MON2: variants seen among roughly 807,000 people sequenced by gnomAD.
MON2 encodes the protein protein MON2 homolog.
A neutral mutation model predicts 208.6 loss-of-function variants in MON2; 84 were observed. That is an observed-to-expected ratio of 0.40 (90% CI 0.34 to 0.48). MON2 has a LOEUF of 0.48. Ranked by LOEUF, MON2 falls within the 20% of genes least tolerant of loss-of-function variation. The pLI, the probability that MON2 is intolerant of heterozygous loss-of-function variation, is 0.59. For missense variants in MON2, 1,611 were observed against 2,015.4 expected (o/e 0.80, Z 3.84); for synonymous variants, 660 against 694.0 (o/e 0.95, Z 0.77).
chr12:62,556,166 C>G lies in MON2; in HGVS notation c.3383C>G (p.Thr1128Ser). ...TLAGVARIFN[T>S]RRYLLQPLGD... ...GCTGGAGTAGCAAGGATCTTCAACA[C>G]TAGAAGATATTTGCTGCAGCCTTTA... Residue 1128 changes from threonine (T) to serine (S), a missense_variant, in exon 25 of 35, where the codon ACT becomes AGT. Thr to Ser is a moderately conservative substitution (Grantham distance 58). Coordinates refer to ENST00000393630, the MANE Select transcript of MON2 (RefSeq NM_015026.3). 1.2e-6 allele frequency: 2 copies of G among 1,613,750 alleles called. No individual in the cohort carries two copies. The highest frequency in any genetic ancestry group is 1.6e-4 in the Middle Eastern group (1 of 6,062).
chr12:62,567,927 C>T (rs1401944393), intron 29 of MON2, among the ~76,000 whole-genome samples: 1 of 152,160 alleles, frequency 6.6e-6, no homozygotes, highest in Non-Finnish European at 1.5e-5. Flanking sequence ...TGTTTCTCGT[C>T]TTTAAAAGAA....
rs543226537 is a variant in MON2 at position 62,467,219 on chromosome 12, C to T, written c.12C>T (p.Thr4=). 8 of 1,612,830 alleles carry T rather than the reference C, an allele frequency of 5.0e-6. No individual in the cohort carries two copies. The South Asian group carries it at 8.8e-5, about 18-fold the overall frequency. Reference sequence around the variant, plus strand: ...GACCTTGGAGGATCATGTCCGGCACCAGCAGCCCCGAGGCGGTGAAGAAGC... The same window carrying T: ...GACCTTGGAGGATCATGTCCGGCACTAGCAGCCCCGAGGCGGTGAAGAAGC... MSG[T]SSPEAVKKLL... The change falls in exon 1 of 35, where the codon ACC becomes ACT. Residue 4 remains threonine, a synonymous_variant. Coordinates refer to ENST00000393630, the MANE Select transcript of MON2 (RefSeq NM_015026.3).
At chr12:62,583,168 C>CA in intron 32 of MON2, among the ~76,000 whole-genome samples, 1 of 152,034 alleles carries the variant, frequency 6.6e-6, no homozygotes, top group East Asian at 1.9e-4. Context: ...CCCATCTCTA[C>CA]AAAAAATACA....
rs1485049074 is a variant in MON2 at position 62,598,656 on chromosome 12, T to C, written c.*5907T>C. ...TATCTAATTTTGTGAAATTATTTTT[T>C]AGTTCCCAACACAATTCTTGAAAGT... On this transcript the variant is annotated 3_prime_UTR_variant, in exon 35 of 35. Transcript: ENST00000393630. The C allele has an allele frequency of 6.6e-6, 1 of 152,214 alleles. No individual in the cohort carries two copies. The highest frequency in any genetic ancestry group is 1.5e-5 in the Non-Finnish European group (1 of 68,022). The allele number at this position is 152,214 out of a possible 1,614,324, so 9.4% of individuals were successfully genotyped here.
intron 31 of MON2, 126 bp downstream of exon 31, chr12:62,578,631 C>A: frequency 8.3e-6 from 5 of 602,910 alleles, no homozygotes; most frequent in Non-Finnish European, 1.4e-5. Context: ...AGCATTAAAA[C>A]TCTTACAGGT....
intron 29 of MON2, among the ~76,000 whole-genome samples, chr12:62,567,886 A>G (rs1454429024): frequency 6.6e-6 from 1 of 152,206 alleles, no homozygotes; most frequent in Non-Finnish European, 1.5e-5. Context: ...TTACTGCTTT[A>G]TGACTTTTGG....
At chr12:62,590,379 A>T (rs1313504319) in intron 34 of MON2, among the ~76,000 whole-genome samples, 3 of 152,060 alleles carry the variant, frequency 2.0e-5, no homozygotes, top group Non-Finnish European at 4.4e-5. Context: ...AGGCATGAAC[A>T]ACCGCCCCCC....
chr12:62,560,656 A>G lies in MON2; in HGVS notation c.3575A>G (p.Asn1192Ser), dbSNP rs758202955. 4.3e-6 allele frequency: 7 copies of G among 1,614,044 alleles called. No homozygotes were observed. In the South Asian group the frequency reaches 7.7e-5, roughly 18 times the overall value. Reference protein sequence around the residue: ...SDKPETPPVVNVPVPVLIGPI... With the variant: ...SDKPETPPVVSVPVPVLIGPI... ...AAGCCTGAGACACCACCTGTAGTTA[A>G]TGTACCTGTGCCTGTTCTTATAGGG... is the stretch of plus-strand genomic sequence containing the variant. Residue 1192 changes from asparagine (N) to serine (S), a missense_variant, in exon 26 of 35, where the codon AAT (asparagine) becomes AGT (serine). Physicochemically the swap from Asn to Ser is conservative, Grantham distance 46 (BLOSUM62 1). Transcript: ENST00000393630.
intron 2 of MON2, among the ~76,000 whole-genome samples, chr12:62,487,344 TTACA>T (rs1190001164): frequency 2.0e-5 from 3 of 152,122 alleles, no homozygotes; most frequent in African/African-American, 7.2e-5. Flanking sequence ...TATACAAGAA[TTACA>T]TAATCTGCTT....
chr12:62,571,315 C>T (rs986590577), intron 29 of MON2, 77 bp from the exon 30 acceptor site: 2 of 1,071,886 alleles, frequency 1.9e-6, no homozygotes, highest in Admixed American at 5.5e-5. Context: ...TATTTTTTCT[C>T]TGCTGTAGTT....
At chr12:62,467,636 T>C (rs554538589) in intron 1 of MON2, among the ~76,000 whole-genome samples, 32 of 152,288 alleles carry the variant, frequency 2.1e-4, no homozygotes, top group Non-Finnish European at 3.4e-4. Flanking sequence ...CAAACCAAAA[T>C]TGAAAAACTT....
intron 19 of MON2, among the ~76,000 whole-genome samples, chr12:62,540,122 A>T (rs2073168308): frequency 6.6e-6 from 1 of 152,176 alleles, no homozygotes; most frequent in South Asian, 2.1e-4. Context: ...ACCTTAATGA[A>T]ATCTAAGCAA....
At chr12:62,536,034 A>C (rs2072951365) in intron 14 of MON2, among the ~76,000 whole-genome samples, 1 of 152,218 alleles carries the variant, frequency 6.6e-6, no homozygotes, top group Non-Finnish European at 1.5e-5. Context: ...ATATTATGCA[A>C]ATAAATGCAT....
At chr12:62,557,950 ATATATATATATATTTTTTTTTTT>A (rs1313991609) in intron 25 of MON2, among the ~76,000 whole-genome samples, 8 of 26,176 alleles carry the variant, frequency 3.1e-4, no homozygotes, top group African/African-American at 1.7e-3. Flanking sequence ...ATATATATAT[ATATATATATATATTTTTTTTTTT>A]TTTTTTTTTT....
At chr12:62,581,389 C>A (rs1052334362) in intron 32 of MON2, among the ~76,000 whole-genome samples, 1 of 151,878 alleles carries the variant, frequency 6.6e-6, no homozygotes, top group African/African-American at 2.4e-5. Flanking sequence ...GCCTCTGTCT[C>A]TACAAAAGAT....
intron 9 of MON2, 73 bp downstream of exon 9, chr12:62,524,712 TTAATAAAC>T: frequency 7.2e-7 from 1 of 1,395,274 alleles, no homozygotes; most frequent in South Asian, 1.3e-5. Flanking sequence ...CTATAATAGG[TTAATAAAC>T]TAGTCAGAAG....
Position 62,571,452 on chromosome 12 carries a change from G to T in MON2, c.4384G>T (p.Ala1462Ser). ...CCCTTCTGAAAGCACATGGAAACTA[G>T]CAGTATCCTCTCTCCTCAGAGTTCT... Reference protein sequence around the residue: ...SCPSESTWKLAVSSLLRVLSI... With the variant: ...SCPSESTWKLSVSSLLRVLSI... The change falls in exon 30 of 35, where the codon GCA (alanine) becomes TCA (serine). Residue 1462 changes from alanine (A) to serine (S), a missense_variant. Transcript: ENST00000393630. The T allele has an allele frequency of 6.2e-7, 1 of 1,612,966 alleles. No individual in the cohort carries two copies. Among genetic ancestry groups the T allele is most frequent in the East Asian group, 2.2e-5 (1 of 44,862 alleles).
intron 22 of MON2, among the ~76,000 whole-genome samples, chr12:62,549,431 G>A (rs1477760861): frequency 2.0e-5 from 3 of 148,458 alleles, no homozygotes; most frequent in Non-Finnish European, 4.4e-5. Context: ...ACCAGCCAAG[G>A]CAACATAGTG....
At chr12:62,530,275 G>A (rs2072565032) in intron 11 of MON2, among the ~76,000 whole-genome samples, 2 of 146,438 alleles carry the variant, frequency 1.4e-5, no homozygotes, top group Admixed American at 6.9e-5. Context: ...CTGTCACCCA[G>A]GCTGGAGTGC....
Sources: gnomAD v4.1 joint callset for allele counts (sites outside exome capture counted in the v4.1 genomes callset) on GRCh38, gnomAD v4.1.1 for gene constraint, MANE v1.5 for transcripts, NCBI Gene and HGNC (gene_info 2026-07-23, HGNC 2026-07-21) for gene names.